The following ARHGAP42 variants were observed in gnomAD, a reference collection of about 807,000 sequenced individuals.
ARHGAP42 encodes Rho GTPase activating protein 42, also known as rho GTPase-activating protein 42.
A neutral mutation model predicts 125.0 loss-of-function variants in ARHGAP42; 63 were observed. The observed-to-expected ratio is 0.50, with a 90% CI of 0.41 to 0.62. The LOEUF is 0.62. ARHGAP42 is among the 20% of genes least tolerant of loss of function. ARHGAP42 has a pLI of 0.00. For synonymous variants in ARHGAP42, 339 were observed against 351.0 expected (o/e 0.97, Z 0.38); for missense variants, 766 against 1,024.2 (o/e 0.75, Z 3.44).
intron 6 of ARHGAP42, among the ~76,000 whole-genome samples, chr11:100,931,801 G>C (rs189569029): frequency 1.8e-4 from 27 of 152,216 alleles, no homozygotes; most frequent in African/African-American, 6.5e-4. Flanking sequence ...AATTTAAGCT[G>C]CAGTTTTGTT....
chr11:100,898,895 G>C (rs187675921), intron 4 of ARHGAP42, among the ~76,000 whole-genome samples: 1 of 152,008 alleles, frequency 6.6e-6, no homozygotes, highest in Non-Finnish European at 1.5e-5. Context: ...TTTTGAATGT[G>C]TTTGCTCTTC....
chr11:100,704,775 G>A (rs1861451292), intron 1 of ARHGAP42, among the ~76,000 whole-genome samples: 1 of 151,688 alleles, frequency 6.6e-6, no homozygotes, highest in Admixed American at 6.6e-5. Context: ...CCTGGGCAAA[G>A]CAAGAATCCC....
chr11:100,844,149 CT>C (rs1865008515), intron 3 of ARHGAP42, among the ~76,000 whole-genome samples: 1 of 152,004 alleles, frequency 6.6e-6, no homozygotes, highest in African/African-American at 2.4e-5. Flanking sequence ...GAGCCAAATA[CT>C]TACAGCCAAC....
chr11:100,936,950 A>C (rs1867753505), intron 8 of ARHGAP42, among the ~76,000 whole-genome samples: 1 of 152,202 alleles, frequency 6.6e-6, no homozygotes, highest in African/African-American at 2.4e-5. Context: ...TTTTGACTAC[A>C]TTCACGCTTT....
chr11:100,884,613 C>T (rs950026053), intron 4 of ARHGAP42, among the ~76,000 whole-genome samples: 6 of 152,056 alleles, frequency 3.9e-5, no homozygotes, highest in East Asian at 1.9e-4. Context: ...TCATTGTTGA[C>T]GCAAAGCAGA....
At chr11:100,722,712 G>A (rs7105451) in intron 1 of ARHGAP42, among the ~76,000 whole-genome samples, 81,582 of 152,054 alleles carry the variant, frequency 0.54, 22,375 homozygotes, top group African/African-American at 0.67. Flanking sequence ...TAACGTTTAC[G>A]TCATATGTTT....
chr11:100,992,856 T>A lies in ARHGAP42; in HGVS notation c.*4055T>A. On this transcript the variant is annotated 3_prime_UTR_variant, in exon 24 of 24. Coordinates refer to ENST00000298815, the MANE Select transcript of ARHGAP42 (RefSeq NM_152432.4). ...TGATCTGCATGTCCTAGACCAATGA[T>A]TACAAGGTGTCTGTGGTTTAGGGGG... 1 of 787,586 alleles carries A rather than the reference T, an allele frequency of 1.3e-6. No individual in the cohort carries two copies. The highest frequency in any genetic ancestry group is 1.9e-6 in the Non-Finnish European group (1 of 516,412). 48.8% of individuals were successfully genotyped at this position (787,586 alleles called of 1,614,324 possible).
Position 100,976,991 on chromosome 11 carries a change from T to C in ARHGAP42, c.2393+20T>C. Reference sequence around the variant, plus strand: ...CTCAGTGTAAGTGAGCGTTTGTATATTTGCTGTGTCTCCCAGGGATACAGA... The same window carrying C: ...CTCAGTGTAAGTGAGCGTTTGTATACTTGCTGTGTCTCCCAGGGATACAGA... On this transcript the variant is annotated intron_variant, in intron 21 of 23. Coordinates refer to ENST00000298815, the MANE Select transcript of ARHGAP42 (RefSeq NM_152432.4). 6.4e-7 allele frequency: 1 copy of C among 1,550,634 alleles called. No homozygotes were observed.
At chr11:100,976,685 T>C (rs541284413) in intron 20 of ARHGAP42, 130 bp from the exon 21 acceptor site, 2 of 1,222,750 alleles carry the variant, frequency 1.6e-6, no homozygotes, top group Admixed American at 5.4e-5. Context: ...GTTGCTGTAC[T>C]CAAAGAACAT....
chr11:100,854,372 A>G (rs1260650716), intron 3 of ARHGAP42, among the ~76,000 whole-genome samples: 1 of 152,212 alleles, frequency 6.6e-6, no homozygotes, highest in Admixed American at 6.5e-5. Context: ...GGTGGGATTC[A>G]TAGTGGAACT....
intron 4 of ARHGAP42, among the ~76,000 whole-genome samples, chr11:100,881,350 T>C (rs1865957328): frequency 6.6e-6 from 1 of 152,186 alleles, no homozygotes; most frequent in Non-Finnish European, 1.5e-5. Flanking sequence ...TTCCCTGCTT[T>C]ATGTTTTTGT....
intron 3 of ARHGAP42, among the ~76,000 whole-genome samples, chr11:100,826,290 T>A (rs1237959581): frequency 6.6e-6 from 1 of 152,208 alleles, no homozygotes; most frequent in African/African-American, 2.4e-5. Context: ...GTATATGTTA[T>A]CCATTTTGTG....
chr11:100,743,114 A>G (rs1591143195), intron 1 of ARHGAP42, among the ~76,000 whole-genome samples: 1 of 152,244 alleles, frequency 6.6e-6, no homozygotes, highest in Middle Eastern at 3.4e-3. Flanking sequence ...TATCATGTTA[A>G]GTGTTACTTA....
chr11:100,949,458 AC>A (rs1868115569), intron 11 of ARHGAP42, among the ~76,000 whole-genome samples: 1 of 152,024 alleles, frequency 6.6e-6, no homozygotes, highest in African/African-American at 2.4e-5. Flanking sequence ...AAGAAAATTC[AC>A]TCTTTACCAG....
intron 2 of ARHGAP42, among the ~76,000 whole-genome samples, chr11:100,793,157 C>T (rs1863611949): frequency 6.6e-6 from 1 of 152,168 alleles, no homozygotes; most frequent in Non-Finnish European, 1.5e-5. Flanking sequence ...CATTGCCTTC[C>T]AGCATCCAGA....
chr11:100,813,190 A>G (rs778082603), intron 3 of ARHGAP42, among the ~76,000 whole-genome samples: 1 of 152,144 alleles, frequency 6.6e-6, no homozygotes, highest in African/African-American at 2.4e-5. Flanking sequence ...AGCACTGTTG[A>G]TATTTTGGAA....
intron 2 of ARHGAP42, among the ~76,000 whole-genome samples, chr11:100,790,185 A>G (rs958768378): frequency 3.3e-5 from 5 of 152,196 alleles, no homozygotes; most frequent in Admixed American, 1.3e-4. Flanking sequence ...AATCTACAAA[A>G]TAGGTATTTT....
Position 100,808,124 on chromosome 11 carries a change from C to A in ARHGAP42, c.312+12958C>A, listed in dbSNP as rs148449652. 2.3e-3 allele frequency among the ~76,000 whole-genome samples: 352 copies of A among 152,044 alleles called. 2 individuals are homozygous for A. The highest frequency in any genetic ancestry group is 8.2e-3 in the African/African-American group (338 of 41,460). On this transcript the variant is annotated intron_variant, in intron 3 of 23. Transcript: ENST00000298815. Reference sequence around the variant, plus strand: ...CTAGCAAAATACCTATAAAAGATATCCTGAAGGGAAATTTTAAATAATGGT... The same window carrying A: ...CTAGCAAAATACCTATAAAAGATATACTGAAGGGAAATTTTAAATAATGGT...
At chr11:100,802,771 A>G (rs571908733) in intron 3 of ARHGAP42, among the ~76,000 whole-genome samples, 196 of 151,910 alleles carry the variant, frequency 1.3e-3, no homozygotes, top group African/African-American at 4.3e-3. Flanking sequence ...CTCCAGCCCT[A>G]TGGGTTTCTT....
Sources: gnomAD v4.1 joint callset for allele counts (sites outside exome capture counted in the v4.1 genomes callset) on GRCh38, gnomAD v4.1.1 for gene constraint, MANE v1.5 for transcripts, NCBI Gene and HGNC (gene_info 2026-07-23, HGNC 2026-07-21) for gene names.